The following TCERG1L variants were observed in gnomAD, a reference collection of about 807,000 sequenced individuals.
TCERG1L encodes the protein transcription elongation regulator 1 like.
TCERG1L carries 37 observed loss-of-function variants against 56.3 expected under a neutral mutation model. The observed-to-expected ratio is 0.66, with a 90% CI of 0.51 to 0.87. The LOEUF (loss-of-function observed/expected upper bound fraction) is 0.87, where lower values mean the gene tolerates loss of function less well. Ranked by LOEUF, TCERG1L falls within the 40% of genes least tolerant of loss-of-function variation. TCERG1L has a pLI of 0.00. For missense variants in TCERG1L, 799 were observed against 774.2 expected (o/e 1.03, Z -0.38); for synonymous variants, 324 against 326.3 (o/e 0.99, Z 0.08).
chr10:131,144,130 G>T (rs778887315), intron 7 of TCERG1L, among the ~76,000 whole-genome samples: 3 of 151,966 alleles, frequency 2.0e-5, no homozygotes, highest in Non-Finnish European at 4.4e-5. Flanking sequence ...GTTAAATGTG[G>T]CAGCCATGTT....
intron 4 of TCERG1L, among the ~76,000 whole-genome samples, chr10:131,223,237 G>A (rs1276866086): frequency 1.3e-5 from 2 of 152,184 alleles, no homozygotes; most frequent in Non-Finnish European, 2.9e-5. Context: ...TGGGAACTGG[G>A]TGCCTCTCTT....
chr10:131,244,312 T>C (rs759632202), intron 4 of TCERG1L, among the ~76,000 whole-genome samples: 2 of 151,788 alleles, frequency 1.3e-5, no homozygotes, highest in Non-Finnish European at 2.9e-5. Context: ...GGAGCAGAAG[T>C]GTCAGGTGCA....
chr10:131,136,898 T>G (rs910857842), intron 7 of TCERG1L, among the ~76,000 whole-genome samples: 3 of 151,154 alleles, frequency 2.0e-5, no homozygotes, highest in African/African-American at 7.3e-5. Context: ...TCCCAGCACT[T>G]TGGGAGGCAG....
chr10:131,166,709 C>T (rs951860017), intron 5 of TCERG1L, 88 bp downstream of exon 5: 25 of 1,322,160 alleles, frequency 1.9e-5, no homozygotes, highest in Non-Finnish European at 2.5e-5. Context: ...AAACACCATA[C>T]AGCAAACAAG....
At position 131,176,963 on chromosome 10, in the gene TCERG1L, C is replaced by G. The variant is rs58148705; in HGVS notation, c.857-10078G>C. On this transcript the variant is annotated intron_variant, in intron 4 of 11. Transcript: ENST00000368642. ...ACACACACCAAGACACGTGTACACA[C>G]AGAGACACATGAACACACACCAAGA... 2.7e-5 allele frequency among the ~76,000 whole-genome samples: 2 copies of G among 74,640 alleles called. 1 individual carries two copies. Among genetic ancestry groups the G allele is most frequent in the Non-Finnish European group, 6.0e-5 (2 of 33,270 alleles). 49.0% of individuals were successfully genotyped at this position (74,640 alleles called of 152,430 possible).
At chr10:131,186,401 T>C (rs1845246011) in intron 4 of TCERG1L, among the ~76,000 whole-genome samples, 1 of 152,106 alleles carries the variant, frequency 6.6e-6, no homozygotes, top group African/African-American at 2.4e-5. Context: ...GTAATAAAAA[T>C]AGACATACAG....
At chr10:131,254,900 A>T (rs1421849969) in intron 4 of TCERG1L, among the ~76,000 whole-genome samples, 1 of 152,238 alleles carries the variant, frequency 6.6e-6, no homozygotes, top group East Asian at 1.9e-4. Context: ...GGACATCAAC[A>T]CTTCCTTATA....
chr10:131,196,580 T>C (rs1275988163), intron 4 of TCERG1L, among the ~76,000 whole-genome samples: 1 of 152,166 alleles, frequency 6.6e-6, no homozygotes, highest in Non-Finnish European at 1.5e-5. Context: ...AACTCTATGA[T>C]CAGTGCCTGG....
At chr10:131,180,910 G>A (rs148080995) in intron 4 of TCERG1L, among the ~76,000 whole-genome samples, 19 of 152,034 alleles carry the variant, frequency 1.2e-4, no homozygotes, top group African/African-American at 3.6e-4. Context: ...GCTTCCCATC[G>A]CTGACTGCAT....
At chr10:131,243,940 T>G (rs994062153) in intron 4 of TCERG1L, among the ~76,000 whole-genome samples, 3 of 152,198 alleles carry the variant, frequency 2.0e-5, no homozygotes, top group Non-Finnish European at 4.4e-5. Flanking sequence ...AAACAGCCAT[T>G]ATTCAGAAGC....
intron 8 of TCERG1L, among the ~76,000 whole-genome samples, chr10:131,128,478 C>G (rs182739568): frequency 1.3e-5 from 2 of 152,176 alleles, no homozygotes; most frequent in Admixed American, 1.3e-4. Context: ...TTAGTTCTAT[C>G]ATTGTCTTCT....
At chr10:131,266,284 C>T (rs1333391760) in intron 3 of TCERG1L, among the ~76,000 whole-genome samples, 1 of 152,216 alleles carries the variant, frequency 6.6e-6, no homozygotes, top group Non-Finnish European at 1.5e-5. Flanking sequence ...CGTCTTGAAA[C>T]CCCTGAAATC....
Position 131,180,602 on chromosome 10 carries a change from A to G in TCERG1L, c.857-13717T>C, listed in dbSNP as rs576803415. Among the ~76,000 whole-genome samples the G allele has an allele frequency of 2.6e-3, 403 of 152,312 alleles. 3 individuals are homozygous for G. The highest frequency in any genetic ancestry group is 9.3e-3 in the African/African-American group (388 of 41,578). ...AAAGAGAATTTCAAGGGGGGCCGGT[A>G]CTATTCCTATAGGTGTATTTTGACC... On this transcript the variant is annotated intron_variant, in intron 4 of 11. Coordinates refer to ENST00000368642, the MANE Select transcript of TCERG1L (RefSeq NM_174937.4).
rs191456879 is a variant in TCERG1L, at chr10:131,177,596, T to C, written c.857-10711A>G. 1.2e-3 allele frequency among the ~76,000 whole-genome samples: 189 copies of C among 152,344 alleles called. 1 individual carries two copies. The highest frequency in any genetic ancestry group is 4.4e-3 in the African/African-American group (183 of 41,580). ...ATCTGCAGTGGTAAGTCCCCTTGGCTACCACGCTGTCTCCCCTTTTACGGG... is the reference window on the plus strand; with the variant it reads ...ATCTGCAGTGGTAAGTCCCCTTGGCCACCACGCTGTCTCCCCTTTTACGGG... On this transcript the variant is annotated intron_variant, in intron 4 of 11. Coordinates refer to ENST00000368642, the MANE Select transcript of TCERG1L (RefSeq NM_174937.4).
At chr10:131,104,453 A>G (rs1845331401) in intron 9 of TCERG1L, 99 bp from the exon 10 acceptor site, 1 of 777,180 alleles carries the variant, frequency 1.3e-6, no homozygotes, top group Non-Finnish European at 2.2e-6. Context: ...AACAACAAAA[A>G]CCAGCATTAA....
intron 11 of TCERG1L, among the ~76,000 whole-genome samples, chr10:131,096,965 C>T (rs1047144819): frequency 6.6e-6 from 1 of 151,018 alleles, no homozygotes; most frequent in South Asian, 2.1e-4. Context: ...TTTGGGAGGT[C>T]GAGGTGGGTG....
intron 9 of TCERG1L, among the ~76,000 whole-genome samples, chr10:131,114,999 C>T (rs1471423344): frequency 6.6e-6 from 1 of 152,256 alleles, no homozygotes; most frequent in African/African-American, 2.4e-5. Flanking sequence ...GACCGGGAAA[C>T]TGCCTGCACG....
chr10:131,167,893 T>C (rs1846049381), intron 4 of TCERG1L, among the ~76,000 whole-genome samples: 1 of 152,136 alleles, frequency 6.6e-6, no homozygotes, highest in African/African-American at 2.4e-5. Context: ...TAAAGCAAGG[T>C]TGAGCTCTGT....
intron 10 of TCERG1L, among the ~76,000 whole-genome samples, chr10:131,101,594 A>T (rs1845304742): frequency 6.6e-6 from 1 of 152,106 alleles, no homozygotes; most frequent in African/African-American, 2.4e-5. Flanking sequence ...CACGCCCCAG[A>T]TGTACTGATG....
Sources: gnomAD v4.1 joint callset for allele counts (sites outside exome capture counted in the v4.1 genomes callset) on GRCh38, gnomAD v4.1.1 for gene constraint, MANE v1.5 for transcripts, NCBI Gene and HGNC (gene_info 2026-07-23, HGNC 2026-07-21) for gene names.